ZBTB16: variants seen among roughly 807,000 people sequenced by gnomAD.
The protein encoded by ZBTB16 is zinc finger and BTB domain-containing protein 16.
A neutral mutation model predicts 56.8 loss-of-function variants in ZBTB16; 8 were observed. The observed-to-expected ratio is 0.14, with a 90% CI of 0.08 to 0.25. The LOEUF (loss-of-function observed/expected upper bound fraction) is 0.25. Ranked by LOEUF, ZBTB16 falls within the 10% of genes least tolerant of loss-of-function variation. The pLI is 1.00. For missense variants in ZBTB16, 625 were observed against 903.0 expected (o/e 0.69, Z 3.95); for synonymous variants, 363 against 368.5 (o/e 0.98, Z 0.17).
intron 2 of ZBTB16, among the ~76,000 whole-genome samples, chr11:114,093,911 G>T (rs1377560149): frequency 2.6e-5 from 4 of 152,196 alleles, no homozygotes; most frequent in Non-Finnish European, 5.9e-5. Context: ...AATTGTCAAC[G>T]GACATTTTTT....
intron 2 of ZBTB16, among the ~76,000 whole-genome samples, chr11:114,117,194 G>A (rs1941198282): frequency 6.6e-6 from 1 of 152,116 alleles, no homozygotes; most frequent in African/African-American, 2.4e-5. Flanking sequence ...TTTCACCAGA[G>A]CTTGAGATGT....
At chr11:114,133,832 G>A (rs560405423) in intron 2 of ZBTB16, among the ~76,000 whole-genome samples, 75 of 152,314 alleles carry the variant, frequency 4.9e-4, no homozygotes, top group Admixed American at 4.6e-4. Flanking sequence ...TAGCAGGACC[G>A]CAGACTAGGC....
chr11:114,180,867 A>C (rs2135042038), intron 3 of ZBTB16: 1 of 152,382 alleles, frequency 6.6e-6, no homozygotes, highest in African/African-American at 2.4e-5. Context: ...TCCACTGGGA[A>C]GATGGAAGAG....
chr11:114,190,137 A>G (rs1943456389), intron 4 of ZBTB16, among the ~76,000 whole-genome samples: 1 of 152,212 alleles, frequency 6.6e-6, no homozygotes. Context: ...GTAAATTAGT[A>G]GGTGCCAGGG....
chr11:114,100,267 G>T (rs541135125), intron 2 of ZBTB16, among the ~76,000 whole-genome samples: 7 of 152,306 alleles, frequency 4.6e-5, no homozygotes, highest in African/African-American at 1.7e-4. Flanking sequence ...CTCATGGTCA[G>T]CCCGAGGTGA....
At chr11:114,241,367 G>T (rs1329646852) in intron 4 of ZBTB16, among the ~76,000 whole-genome samples, 1 of 152,164 alleles carries the variant, frequency 6.6e-6, no homozygotes, top group Non-Finnish European at 1.5e-5. Context: ...GCCATGGTCT[G>T]TGAGGAGCTG....
At chr11:114,202,745 C>A (rs553094238) in intron 4 of ZBTB16, among the ~76,000 whole-genome samples, 1 of 152,228 alleles carries the variant, frequency 6.6e-6, no homozygotes, top group South Asian at 2.1e-4. Flanking sequence ...TGCAGTCCTG[C>A]GGAGCCCCGG....
intron 4 of ZBTB16, among the ~76,000 whole-genome samples, chr11:114,214,637 T>C (rs535103433): frequency 8.7e-4 from 132 of 152,288 alleles, no homozygotes; most frequent in African/African-American, 1.8e-3. Context: ...AGGGTCTTGC[T>C]CTGTCGCCCA....
intron 2 of ZBTB16, among the ~76,000 whole-genome samples, chr11:114,134,871 CT>C (rs1447830090): frequency 6.6e-6 from 1 of 152,184 alleles, no homozygotes; most frequent in Non-Finnish European, 1.5e-5. Context: ...CTGCTGTGTT[CT>C]TTTAAATAAA....
intron 3 of ZBTB16, among the ~76,000 whole-genome samples, chr11:114,167,781 G>A (rs1942831041): frequency 6.6e-6 from 1 of 152,140 alleles, no homozygotes; most frequent in African/African-American, 2.4e-5. Context: ...GACAGTATTG[G>A]TTCTATCTGG....
At chr11:114,222,119 C>A (rs574076045) in intron 4 of ZBTB16, among the ~76,000 whole-genome samples, 1 of 152,130 alleles carries the variant, frequency 6.6e-6, no homozygotes, top group Non-Finnish European at 1.5e-5. Flanking sequence ...GTCTTTCATG[C>A]TGATCCTTGA....
intron 2 of ZBTB16, among the ~76,000 whole-genome samples, chr11:114,109,683 G>T (rs113465510): frequency 9.9e-5 from 15 of 152,084 alleles, no homozygotes; most frequent in Admixed American, 2.6e-4. Flanking sequence ...AGATAGGAAA[G>T]GAAGAGTTGG....
intron 3 of ZBTB16, among the ~76,000 whole-genome samples, chr11:114,173,175 AGCACCCGG>A (rs1183621792): frequency 1.3e-5 from 2 of 152,242 alleles, no homozygotes; most frequent in Non-Finnish European, 2.9e-5. Flanking sequence ...TAACATCAGA[AGCACCCGG>A]GCTAGAGAGC....
chr11:114,179,524 A>C (rs1274800864), intron 3 of ZBTB16, among the ~76,000 whole-genome samples: 1 of 152,150 alleles, frequency 6.6e-6, no homozygotes, highest in Non-Finnish European at 1.5e-5. Flanking sequence ...GTACTTCCTT[A>C]TGTAAGCAGG....
At chr11:114,238,136 A>AT (rs1944631387) in intron 4 of ZBTB16, among the ~76,000 whole-genome samples, 1 of 151,836 alleles carries the variant, frequency 6.6e-6, no homozygotes, top group African/African-American at 2.4e-5. Flanking sequence ...CCTTTCTAGG[A>AT]TTTTCTCTCT....
At chr11:114,108,262 C>T (rs767735524) in intron 2 of ZBTB16, among the ~76,000 whole-genome samples, 6 of 152,094 alleles carry the variant, frequency 3.9e-5, no homozygotes, top group East Asian at 1.9e-4. Flanking sequence ...TGTTTCCAGC[C>T]GTTAGAAAGC....
chr11:114,168,946 G>A (rs545034457), intron 3 of ZBTB16, among the ~76,000 whole-genome samples: 4 of 152,300 alleles, frequency 2.6e-5, no homozygotes, highest in African/African-American at 9.6e-5. Context: ...TATGACTTCT[G>A]CTCAGTGCCT....
chr11:114,213,567 TG>T (rs887358291), intron 4 of ZBTB16, among the ~76,000 whole-genome samples: 1 of 152,232 alleles, frequency 6.6e-6, no homozygotes, highest in Non-Finnish European at 1.5e-5. Context: ...CTGAAGTCAC[TG>T]GGTGCCACAA....
chr11:114,148,659 AATTTTTTGT>A (rs943115379), intron 2 of ZBTB16, among the ~76,000 whole-genome samples: 2 of 150,768 alleles, frequency 1.3e-5, no homozygotes, highest in African/African-American at 4.9e-5. Context: ...ATGCCTGGCT[AATTTTTTGT>A]ATTTTTAGTA....
Sources: gnomAD v4.1 joint callset for allele counts (sites outside exome capture counted in the v4.1 genomes callset) on GRCh38, gnomAD v4.1.1 for gene constraint, MANE v1.5 for transcripts, NCBI Gene and HGNC (gene_info 2026-07-23, HGNC 2026-07-21) for gene names.